Variants in CD6 observed in about 807,000 individuals in gnomAD.
The protein encoded by CD6 is T-cell differentiation antigen CD6.
In CD6, 53 loss-of-function variants were observed where a neutral mutation model predicts 75.3. The ratio of observed to expected loss-of-function variants is 0.70; its 90% CI spans 0.56 to 0.88. CD6 has a LOEUF of 0.88. CD6 is among the 40% of genes least tolerant of loss of function. CD6 has a pLI of 0.00. For missense variants in CD6, 770 were observed against 897.1 expected, an observed-to-expected ratio of 0.86 and a Z score of 1.81; for synonymous variants, 359 against 381.5, an observed-to-expected ratio of 0.94 and a Z score of 0.69.
chr11:60,991,147 T>G (rs1277958640), intron 1 of CD6, among the ~76,000 whole-genome samples: 1 of 85,956 alleles, frequency 1.2e-5, no homozygotes, highest in Non-Finnish European at 2.1e-5. Context: ...TTCTTTTTCT[T>G]TCTTTTTTTT....
intron 1 of CD6, among the ~76,000 whole-genome samples, chr11:61,001,693 C>G (rs1430462450): frequency 6.6e-6 from 1 of 152,088 alleles, no homozygotes; most frequent in African/African-American, 2.4e-5. Context: ...TAAAGTACAG[C>G]CTTTTACCTT....
At chr11:61,001,118 A>C (rs1858566741) in intron 1 of CD6, among the ~76,000 whole-genome samples, 1 of 152,154 alleles carries the variant, frequency 6.6e-6, no homozygotes, top group African/African-American at 2.4e-5. Flanking sequence ...ATCATGTGGC[A>C]ATAAAAGTTT....
Position 61,013,433 on chromosome 11 carries a change from G to C in CD6, c.1161G>C (p.Val387=). 1 of 1,614,062 alleles carries C rather than the reference G, an allele frequency of 6.2e-7. No homozygotes were observed. The highest frequency in any genetic ancestry group is 1.1e-5 in the South Asian group (1 of 91,040). ...AATTCTTGTTTCCAGAATCTTCTGT[G>C]ACAGTGAAAATAGAGAACAAGGAAT... The part of the protein sequence containing the change: ...SVQTVTIESS[V]TVKIENKESR... Residue 387 remains valine, a synonymous_variant, in exon 7 of 13, where the codon GTG becomes GTC. Coordinates refer to ENST00000313421, the MANE Select transcript of CD6 (RefSeq NM_006725.5).
intron 1 of CD6, among the ~76,000 whole-genome samples, chr11:60,979,733 A>C (rs1164652402): frequency 6.6e-6 from 1 of 152,060 alleles, no homozygotes; most frequent in Non-Finnish European, 1.5e-5. Flanking sequence ...CAGCCTCCCA[A>C]AGTGCTGGGA....
At position 60,979,549 on chromosome 11, in the gene CD6, C is replaced by A. The variant is rs184648963; in HGVS notation, c.49+7635C>A. Among the ~76,000 whole-genome samples the A allele has an allele frequency of 4.6e-5, 7 of 152,154 alleles. No individual in the cohort carries two copies. In the East Asian group the frequency reaches 1.4e-3, roughly 29 times the overall value. On this transcript the variant is annotated intron_variant, in intron 1 of 12. Coordinates refer to ENST00000313421, the MANE Select transcript of CD6 (RefSeq NM_006725.5). ...TGCTGCGATCTCAGCTCACTGCAAC[C>A]TCCGCCTCCCAGGTTCAAGCAATTC...
At chr11:61,008,202 G>A in intron 3 of CD6, 1 of 432,036 alleles carries the variant, frequency 2.3e-6, no homozygotes, top group Non-Finnish European at 4.1e-6. Flanking sequence ...TGGGCCCGCC[G>A]CTTCCCTGTC....
At chr11:61,002,570 T>G (rs1858636488) in intron 1 of CD6, among the ~76,000 whole-genome samples, 1 of 151,944 alleles carries the variant, frequency 6.6e-6, no homozygotes, top group Non-Finnish European at 1.5e-5. Flanking sequence ...AAAAAAAATC[T>G]GCAGTGAACA....
At chr11:60,981,871 G>A (rs1415986928) in intron 1 of CD6, among the ~76,000 whole-genome samples, 1 of 152,084 alleles carries the variant, frequency 6.6e-6, no homozygotes, top group Non-Finnish European at 1.5e-5. Flanking sequence ...CTGAGAGATA[G>A]GGAGATGGCC....
intron 1 of CD6, among the ~76,000 whole-genome samples, chr11:60,997,248 C>T (rs568461798): frequency 2.4e-4 from 36 of 151,948 alleles, no homozygotes; most frequent in African/African-American, 8.4e-4. Flanking sequence ...CATGGTGGTG[C>T]GTGCCTATAG....
In CD6 at chr11:61,017,905, A is replaced by C; in HGVS notation, c.1729A>C (p.Lys577Gln). 6.2e-7 allele frequency: 1 copy of C among 1,614,016 alleles called. No homozygotes were observed. Among genetic ancestry groups the C allele is most frequent in the Non-Finnish European group, 8.5e-7 (1 of 1,179,954 alleles). Residue 577 changes from lysine to glutamine, a missense_variant, in exon 11 of 13, where the codon AAA (lysine) becomes CAA (glutamine). Physicochemically the swap from Lys to Gln is moderately conservative, Grantham distance 53 (BLOSUM62 1). Coordinates refer to ENST00000313421, the MANE Select transcript of CD6 (RefSeq NM_006725.5). ...SSGEDYCNSP[K>Q]SKLPPWNPQV... ...AGGGGAGGATTACTGCAATAGTCCCAAAAGCAAGCTGCCTCCATGGAACCC... is the reference window on the plus strand; with the variant it reads ...AGGGGAGGATTACTGCAATAGTCCCCAAAGCAAGCTGCCTCCATGGAACCC...
At chr11:60,991,107 A>ATTTCCT (rs1858042363) in intron 1 of CD6, among the ~76,000 whole-genome samples, 1 of 144,132 alleles carries the variant, frequency 6.9e-6, no homozygotes, top group African/African-American at 2.6e-5. Flanking sequence ...ATCATCAGCC[A>ATTTCCT]TTTCCTTTTC....
At chr11:60,984,807 G>T (rs74378416) in intron 1 of CD6, among the ~76,000 whole-genome samples, 3 of 152,184 alleles carry the variant, frequency 2.0e-5, no homozygotes, top group South Asian at 2.1e-4. Context: ...ATTCCCGTCA[G>T]GGGGAGGAGC....
At chr11:60,995,891 G>C (rs1858276818) in intron 1 of CD6, among the ~76,000 whole-genome samples, 1 of 152,196 alleles carries the variant, frequency 6.6e-6, no homozygotes, top group Non-Finnish European at 1.5e-5. Context: ...CGGGGGAAGG[G>C]TGGGTTATCA....
Position 61,013,444 on chromosome 11 carries a change from T to C in CD6, c.1172T>C (p.Ile391Thr). The C allele has an allele frequency of 6.2e-7, 1 of 1,614,112 alleles. No homozygotes were observed. The highest frequency in any genetic ancestry group is 8.5e-7 in the Non-Finnish European group (1 of 1,180,000). The change falls in exon 7 of 13, where the codon ATA (isoleucine) becomes ACA (threonine). Residue 391 changes from isoleucine (I) to threonine (T), a missense_variant. Coordinates refer to ENST00000313421, the MANE Select transcript of CD6 (RefSeq NM_006725.5). ...VTIESSVTVKIENKESRELML... is the reference protein window; with the variant it reads ...VTIESSVTVKTENKESRELML... ...CCAGAATCTTCTGTGACAGTGAAAA[T>C]AGAGAACAAGGAATCTCGGGAGCTA...
intron 1 of CD6, among the ~76,000 whole-genome samples, chr11:60,982,242 G>A (rs1857600445): frequency 6.7e-6 from 1 of 150,132 alleles, no homozygotes; most frequent in Non-Finnish European, 1.5e-5. Context: ...CTTCTGACTT[G>A]GAGTCATGTA....
intron 1 of CD6, among the ~76,000 whole-genome samples, chr11:60,991,754 C>T (rs974990762): frequency 1.3e-5 from 2 of 151,756 alleles, no homozygotes; most frequent in Non-Finnish European, 2.9e-5. Context: ...ACTGCAACCT[C>T]GAACTCCTGG....
rs114629279 is a variant in CD6 at position 60,971,969 on chromosome 11, C to T, written c.49+55C>T. 8.2e-4 allele frequency: 1,266 copies of T among 1,546,760 alleles called. 3 individuals are homozygous for T. The African/African-American group carries it at 0.016, about 19-fold the overall frequency. On this transcript the variant is annotated intron_variant, in intron 1 of 12. Coordinates refer to ENST00000313421, the MANE Select transcript of CD6 (RefSeq NM_006725.5). The stretch of plus-strand genomic sequence containing the variant: ...TGGTGCTGGAGGAGCCGGGTCCGGC[C>T]CTCTCAGTCCCCTTTCTGGTTGTTT...
chr11:61,010,537 A>G (rs1451115123), intron 5 of CD6, among the ~76,000 whole-genome samples: 1 of 152,224 alleles, frequency 6.6e-6, no homozygotes, highest in Non-Finnish European at 1.5e-5. Context: ...CAGACACCAG[A>G]TTACAAATTC....
intron 8 of CD6, among the ~76,000 whole-genome samples, chr11:61,014,571 C>CA (rs35139386): frequency 6.6e-6 from 1 of 151,932 alleles, no homozygotes; most frequent in African/African-American, 2.4e-5. Context: ...CCTGTCTCTA[C>CA]AAAAAATGCA....
Sources: allele counts gnomAD v4.1 joint callset (sites outside exome capture counted in the v4.1 genomes callset), GRCh38; gene constraint gnomAD v4.1.1; transcripts MANE v1.5; gene names NCBI Gene and HGNC (gene_info 2026-07-23, HGNC 2026-07-21).